The following SH3PXD2A variants were observed in gnomAD, a reference collection of about 807,000 sequenced individuals.
SH3PXD2A encodes the protein SH3 and PX domain-containing protein 2A.
SH3PXD2A carries 32 observed loss-of-function variants against 115.2 expected under a neutral mutation model. The observed-to-expected ratio is 0.28, with a 90% CI of 0.21 to 0.37. SH3PXD2A has a LOEUF of 0.37. SH3PXD2A is among the 10% of genes least tolerant of loss of function. The pLI is 1.00. For synonymous variants in SH3PXD2A, 610 were observed against 629.1 expected (o/e 0.97, Z 0.45); for missense variants, 1,328 against 1,498.7 (o/e 0.89, Z 1.88).
chr10:103,608,239 AGTC>A (rs1265992860), intron 13 of SH3PXD2A, among the ~76,000 whole-genome samples: 82 of 148,000 alleles, frequency 5.5e-4, no homozygotes, highest in African/African-American at 1.9e-3. Context: ...AGGCTTCCGG[AGTC>A]CCGGAAGCCG....
intron 13 of SH3PXD2A, among the ~76,000 whole-genome samples, chr10:103,607,031 A>G (rs1387299234): frequency 7.0e-6 from 1 of 142,636 alleles, no homozygotes; most frequent in African/African-American, 2.7e-5. Flanking sequence ...CCCGGCCGCC[A>G]TCCCATCTAG....
rs117548846 is a variant in SH3PXD2A, at chr10:103,798,265, C to T, written c.153+3017G>A. Among the ~76,000 whole-genome samples the T allele has an allele frequency of 6.6e-4, 100 of 152,270 alleles. No homozygotes were observed. The East Asian group carries it at 0.018, about 27-fold the overall frequency. ...CCCCCAAGTGCTGCCCAAGTAGTAC[C>T]GGGTGTGAATGTATGCTTCACGACC... On this transcript the variant is annotated intron_variant, in intron 2 of 14. Transcript: ENST00000369774.
rs1346932915 is a variant in SH3PXD2A, at chr10:103,620,113, T to G, written c.802+2357A>C. Among the ~76,000 whole-genome samples the G allele has an allele frequency of 6.6e-6, 1 of 152,174 alleles. No homozygotes were observed. The highest frequency in any genetic ancestry group is 1.5e-5 in the Non-Finnish European group (1 of 68,022). On this transcript the variant is annotated intron_variant, in intron 10 of 14. Coordinates refer to ENST00000369774, the MANE Select transcript of SH3PXD2A (RefSeq NM_001394015.1). The surrounding 1 kb of genome is among the most constrained non-coding windows in gnomAD (Gnocchi z 5.3). ...AAGAGGAGGCCCAGACAGACGGACATGGCCTCAGCGGGCAGCTGCATGATT... is the reference window on the plus strand; with the variant it reads ...AAGAGGAGGCCCAGACAGACGGACAGGGCCTCAGCGGGCAGCTGCATGATT...
At chr10:103,626,439 C>T (rs868015836) in intron 9 of SH3PXD2A, among the ~76,000 whole-genome samples, 1 of 152,128 alleles carries the variant, frequency 6.6e-6, no homozygotes, top group African/African-American at 2.4e-5. Context: ...CAGCCAAGAA[C>T]TGGGGGTGGC....
chr10:103,744,060 A>G lies in SH3PXD2A; in HGVS notation c.230-8252T>C, dbSNP rs118093817. 1.0e-2 allele frequency among the ~76,000 whole-genome samples: 1,514 copies of G among 152,070 alleles called. 9 individuals are homozygous for G. The highest frequency in any genetic ancestry group is 0.028 in the Middle Eastern group (8 of 290). ...AAAGCTGGCCCTGCTCTTGATGTTC[A>G]GCTGTTTCCTGACCATGGGGCCACC... is the stretch of plus-strand genomic sequence containing the variant. On this transcript the variant is annotated intron_variant, in intron 3 of 14. Coordinates refer to ENST00000369774, the MANE Select transcript of SH3PXD2A (RefSeq NM_001394015.1).
chr10:103,612,745 G>T, intron 12 of SH3PXD2A, 108 bp downstream of exon 12: 1 of 692,664 alleles, frequency 1.4e-6, no homozygotes, highest in Non-Finnish European at 2.4e-6. Flanking sequence ...TGTAGCCCAG[G>T]AGGAAAACGC....
rs537290745 is a variant in SH3PXD2A, at chr10:103,602,966, C to G, written c.2252G>C (p.Arg751Pro). ...DANAGLTSCPRAKPSVRPKPF... is the reference protein window; with the variant it reads ...DANAGLTSCPPAKPSVRPKPF... ...CTTGGGCCGGACCGATGGCTTGGCCCGGGGACAGGAGGTCAGCCCAGCGTT... is the reference window on the plus strand; with the variant it reads ...CTTGGGCCGGACCGATGGCTTGGCCGGGGGACAGGAGGTCAGCCCAGCGTT... The change falls in exon 15 of 15, where the codon CGG (arginine) becomes CCG (proline). Residue 751 changes from arginine (R) to proline (P), a missense_variant. By Grantham distance (103) the Arg-to-Pro change is moderately radical. Coordinates refer to ENST00000369774, the MANE Select transcript of SH3PXD2A (RefSeq NM_001394015.1). 3.1e-6 allele frequency: 5 copies of G among 1,614,088 alleles called. No individual in the cohort carries two copies. The South Asian group carries it at 3.3e-5, about 11-fold the overall frequency.
intron 1 of SH3PXD2A, among the ~76,000 whole-genome samples, chr10:103,803,044 T>A (rs1257612880): frequency 6.6e-6 from 1 of 152,172 alleles, no homozygotes; most frequent in African/African-American, 2.4e-5. Context: ...GCCACAGGCG[T>A]GGTGAGGCTT....
At chr10:103,645,203 A>G (rs1206587493) in intron 8 of SH3PXD2A, among the ~76,000 whole-genome samples, 2 of 152,158 alleles carry the variant, frequency 1.3e-5, no homozygotes, top group Non-Finnish European at 2.9e-5. Context: ...TCATCTTGGC[A>G]TCCTGACAAG....
intron 8 of SH3PXD2A, among the ~76,000 whole-genome samples, chr10:103,631,936 A>G (rs1265444448): frequency 6.6e-6 from 1 of 152,024 alleles, no homozygotes; most frequent in African/African-American, 2.4e-5. Flanking sequence ...TGGGCAGCAT[A>G]GTGAGATCCC....
chr10:103,796,828 G>T (rs2039094352), intron 2 of SH3PXD2A, among the ~76,000 whole-genome samples: 1 of 149,600 alleles, frequency 6.7e-6, no homozygotes, highest in South Asian at 2.1e-4. Context: ...GTTTTTTAGT[G>T]TAAGTATATG....
At chr10:103,735,649 C>A in intron 4 of SH3PXD2A, 83 bp downstream of exon 4, 1 of 1,090,778 alleles carries the variant, frequency 9.2e-7, no homozygotes, top group South Asian at 1.2e-5. Flanking sequence ...CCTTTCCTCA[C>A]AGATGGACAC....
At chr10:103,700,255 C>T (rs1274251397) in intron 5 of SH3PXD2A, among the ~76,000 whole-genome samples, 2 of 152,010 alleles carry the variant, frequency 1.3e-5, no homozygotes, top group Non-Finnish European at 2.9e-5. Context: ...GACTTCACCT[C>T]TCTGTACCTT....
intron 2 of SH3PXD2A, among the ~76,000 whole-genome samples, chr10:103,796,221 G>T (rs1310359294): frequency 6.6e-6 from 1 of 151,660 alleles, no homozygotes; most frequent in Non-Finnish European, 1.5e-5. Context: ...AAATTAGCTA[G>T]TCATAGTGGC....
At chr10:103,615,483 G>GGGGTGTGTGTGTGTGTGTGTGTGT (rs1237824774) in intron 11 of SH3PXD2A, among the ~76,000 whole-genome samples, 2 of 128,524 alleles carry the variant, frequency 1.6e-5, no homozygotes, top group African/African-American at 2.9e-5. Flanking sequence ...AGAGTGCGAG[G>GGGGTGTGTGTGTGTGTGTGTGTGT]GTGTGTGTGT....
chr10:103,851,372 TG>T (rs1458394271), intron 1 of SH3PXD2A, among the ~76,000 whole-genome samples: 1 of 152,164 alleles, frequency 6.6e-6, no homozygotes, highest in Non-Finnish European at 1.5e-5. Context: ...CCGCCTGCGT[TG>T]CCCACCATGA....
intron 8 of SH3PXD2A, among the ~76,000 whole-genome samples, chr10:103,651,779 T>C (rs1485846993): frequency 6.6e-6 from 1 of 152,198 alleles, no homozygotes; most frequent in Non-Finnish European, 1.5e-5. Context: ...CCCTCTTAGC[T>C]AGCACGAGCA....
intron 8 of SH3PXD2A, among the ~76,000 whole-genome samples, chr10:103,638,023 G>A (rs1172205504): frequency 2.0e-5 from 3 of 152,204 alleles, no homozygotes; most frequent in Non-Finnish European, 4.4e-5. Context: ...AGAAAGCCCT[G>A]TCACTGCAGC....
At chr10:103,657,871 T>C (rs557375798) in intron 8 of SH3PXD2A, among the ~76,000 whole-genome samples, 95 of 152,326 alleles carry the variant, frequency 6.2e-4, no homozygotes, top group African/African-American at 2.2e-3. Flanking sequence ...AGCCTGCATC[T>C]CGCCTCAACC....
Sources: allele counts gnomAD v4.1 joint callset (sites outside exome capture counted in the v4.1 genomes callset), GRCh38; gene constraint gnomAD v4.1.1; non-coding constraint Gnocchi (gnomAD v3.1); transcripts MANE v1.5; gene names NCBI Gene and HGNC (gene_info 2026-07-23, HGNC 2026-07-21).